Variants in FANCL observed in about 807,000 individuals in gnomAD.
FANCL encodes FA complementation group L.
Under a neutral mutation model 59.4 loss-of-function variants are expected in FANCL, and 69 were observed. The observed-to-expected ratio is 1.16, with a 90% CI of 0.96 to 1.42. The LOEUF (loss-of-function observed/expected upper bound fraction) is 1.42, where lower values mean the gene tolerates loss of function less well. FANCL is among the 40% of genes most tolerant of loss of function. The pLI, the probability that FANCL is intolerant of heterozygous loss-of-function variation, is 0.00. For missense variants in FANCL, 519 were observed against 447.2 expected (o/e 1.16, Z -1.45); for synonymous variants, 180 against 147.1 (o/e 1.22, Z -1.62).
At chr2:58,217,529 T>C (rs1444915114) in intron 5 of FANCL, among the ~76,000 whole-genome samples, 1 of 151,890 alleles carries the variant, frequency 6.6e-6, no homozygotes, top group African/African-American at 2.4e-5. Flanking sequence ...GTTTTTAAAA[T>C]ATGTAACTAA....
intron 7 of FANCL, among the ~76,000 whole-genome samples, chr2:58,174,543 G>T (rs560579823): frequency 6.6e-6 from 1 of 152,120 alleles, no homozygotes; most frequent in Admixed American, 6.6e-5. Context: ...TGACTACTGG[G>T]TACATAACAA....
intron 7 of FANCL, among the ~76,000 whole-genome samples, chr2:58,187,368 G>A (rs569863600): frequency 7.2e-6 from 1 of 139,032 alleles, no homozygotes; most frequent in Admixed American, 7.6e-5. Flanking sequence ...TGAACAATGA[G>A]AACACTTGGA....
At chr2:58,207,844 C>T (rs1053774137) in intron 5 of FANCL, among the ~76,000 whole-genome samples, 53 of 152,072 alleles carry the variant, frequency 3.5e-4, no homozygotes, top group Non-Finnish European at 5.9e-5. Context: ...ATTACTTGAG[C>T]CCAAGAGTTC....
At chr2:58,213,066 A>T (rs996634282) in intron 5 of FANCL, among the ~76,000 whole-genome samples, 1 of 152,244 alleles carries the variant, frequency 6.6e-6, no homozygotes, top group Non-Finnish European at 1.5e-5. Flanking sequence ...TTATCTAACA[A>T]GGATTTTTCT....
intron 7 of FANCL, among the ~76,000 whole-genome samples, chr2:58,170,896 G>C (rs1375440033): frequency 6.6e-6 from 1 of 152,052 alleles, no homozygotes; most frequent in Admixed American, 6.6e-5. Context: ...GACCTACAAA[G>C]AGACTTAAGA....
At chr2:58,178,334 A>C (rs926937733) in intron 7 of FANCL, among the ~76,000 whole-genome samples, 2 of 152,184 alleles carry the variant, frequency 1.3e-5, no homozygotes, top group African/African-American at 4.8e-5. Context: ...AATCCTCAAC[A>C]AAATACTGGC....
chr2:58,230,593 A>G (rs913091019), intron 2 of FANCL, among the ~76,000 whole-genome samples: 13 of 152,190 alleles, frequency 8.5e-5, no homozygotes, highest in Non-Finnish European at 1.6e-4. Flanking sequence ...ACTTTTAGTT[A>G]CCTACAAGTA....
chr2:58,183,352 G>A (rs775812458), intron 7 of FANCL, among the ~76,000 whole-genome samples: 9 of 151,768 alleles, frequency 5.9e-5, no homozygotes, highest in Non-Finnish European at 8.8e-5. Context: ...GTATATGGGT[G>A]TAGGTCTGAA....
chr2:58,229,418 A>G (rs1162314849), intron 3 of FANCL, among the ~76,000 whole-genome samples: 1 of 152,146 alleles, frequency 6.6e-6, no homozygotes, highest in Non-Finnish European at 1.5e-5. Flanking sequence ...ATGATCCTAA[A>G]TTATTTCTGC....
At chr2:58,175,007 T>C (rs912179890) in intron 7 of FANCL, among the ~76,000 whole-genome samples, 1 of 151,920 alleles carries the variant, frequency 6.6e-6, no homozygotes, top group Non-Finnish European at 1.5e-5. Context: ...TATAAACACC[T>C]CTATGCAAAT....
intron 9 of FANCL, 90 bp from the exon 10 acceptor site, chr2:58,163,164 T>G: frequency 8.7e-7 from 1 of 1,153,942 alleles, no homozygotes; most frequent in Non-Finnish European, 1.3e-6. Flanking sequence ...CTTAACTACT[T>G]GATTAGAAAA....
chr2:58,201,105 A>G (rs901855765), intron 6 of FANCL, among the ~76,000 whole-genome samples: 1 of 150,928 alleles, frequency 6.6e-6, no homozygotes, highest in Non-Finnish European at 1.5e-5. Context: ...TCTGAATTAT[A>G]ATAGTATTAA....
chr2:58,202,806 T>G (rs980804075), intron 6 of FANCL, among the ~76,000 whole-genome samples: 10 of 152,006 alleles, frequency 6.6e-5, no homozygotes, highest in African/African-American at 2.2e-4. Context: ...TAGGTATAGT[T>G]AAAGGCAGCA....
At chr2:58,169,502 C>T (rs543053978) in intron 7 of FANCL, among the ~76,000 whole-genome samples, 9 of 152,122 alleles carry the variant, frequency 5.9e-5, no homozygotes, top group East Asian at 3.9e-4. Context: ...TTTTCTCCAA[C>T]GGATCACAAC....
At chr2:58,160,522 T>C (rs1684993891) in intron 12 of FANCL, among the ~76,000 whole-genome samples, 1 of 152,026 alleles carries the variant, frequency 6.6e-6, no homozygotes, top group Non-Finnish European at 1.5e-5. Context: ...TCATAGACTT[T>C]CCCTAAATCC....
intron 7 of FANCL, among the ~76,000 whole-genome samples, chr2:58,178,247 A>G (rs1687565359): frequency 6.6e-6 from 1 of 152,200 alleles, no homozygotes; most frequent in South Asian, 2.1e-4. Context: ...GGCCTGCATC[A>G]TCCTGACACC....
intron 4 of FANCL, among the ~76,000 whole-genome samples, chr2:58,226,460 G>C (rs73944840): frequency 6.6e-6 from 1 of 152,062 alleles, no homozygotes; most frequent in Admixed American, 6.5e-5. Context: ...TAGGCCAGGA[G>C]TACATTTTAT....
chr2:58,222,316 TA>T (rs35172654), intron 4 of FANCL, among the ~76,000 whole-genome samples: 9 of 150,980 alleles, frequency 6.0e-5, no homozygotes, highest in East Asian at 5.8e-4. Flanking sequence ...CTATCGGAGA[TA>T]AAAAAAAAAT....
At chr2:58,228,288 A>G (rs1232347803) in intron 3 of FANCL, among the ~76,000 whole-genome samples, 2 of 152,254 alleles carry the variant, frequency 1.3e-5, no homozygotes, top group African/African-American at 2.4e-5. Flanking sequence ...AAATAACTAC[A>G]GAAAAAAATA....
Sources: allele counts gnomAD v4.1 joint callset (sites outside exome capture counted in the v4.1 genomes callset), GRCh38; gene constraint gnomAD v4.1.1; transcripts MANE v1.5; gene names NCBI Gene and HGNC (gene_info 2026-07-23, HGNC 2026-07-21).